TEAD1: variants seen among roughly 807,000 people sequenced by gnomAD.
TEAD1 encodes the protein TEA domain transcription factor 1.
A neutral mutation model predicts 54.9 loss-of-function variants in TEAD1; 9 were observed. That is an observed-to-expected ratio of 0.16 (90% CI 0.10 to 0.29). TEAD1 has a LOEUF of 0.29. Among genes scored for constraint, TEAD1 ranks in the 10% least tolerant of loss-of-function variants. TEAD1 has a pLI of 1.00. For missense variants in TEAD1, 387 were observed against 535.9 expected, an observed-to-expected ratio of 0.72 and a Z score of 2.74; for synonymous variants, 200 against 187.8, an observed-to-expected ratio of 1.07 and a Z score of -0.53.
chr11:12,716,858 A>G (rs1010305505), intron 2 of TEAD1, among the ~76,000 whole-genome samples: 1 of 152,252 alleles, frequency 6.6e-6, no homozygotes, highest in Non-Finnish European at 1.5e-5. Context: ...CTTCTAAGTC[A>G]TCAGCAGAGA....
chr11:12,814,373 T>C (rs1946370210), intron 3 of TEAD1, among the ~76,000 whole-genome samples: 1 of 151,844 alleles, frequency 6.6e-6, no homozygotes, highest in Admixed American at 6.6e-5. Flanking sequence ...GGAACCAGAG[T>C]GTGTGAGGGG....
intron 3 of TEAD1, among the ~76,000 whole-genome samples, chr11:12,767,100 T>C (rs1590129816): frequency 6.6e-6 from 1 of 152,180 alleles, no homozygotes; most frequent in Admixed American, 6.5e-5. Flanking sequence ...CCTGGTTGAC[T>C]GGGAGCTGCC....
chr11:12,846,469 A>G (rs1043956316), intron 3 of TEAD1, among the ~76,000 whole-genome samples: 1 of 151,796 alleles, frequency 6.6e-6, no homozygotes, highest in East Asian at 1.9e-4. Context: ...AGCAACATTC[A>G]GGGCCCGAGC....
chr11:12,787,159 C>T (rs1325768524), intron 3 of TEAD1, among the ~76,000 whole-genome samples: 2 of 152,150 alleles, frequency 1.3e-5, no homozygotes, highest in Non-Finnish European at 2.9e-5. Flanking sequence ...CAAGCCTGGG[C>T]CCAGGTCTCT....
chr11:12,750,254 A>G (rs1458227593), intron 2 of TEAD1, among the ~76,000 whole-genome samples: 1 of 152,180 alleles, frequency 6.6e-6, no homozygotes, highest in African/African-American at 2.4e-5. Context: ...GTCAGCTCAC[A>G]GCCTCTCTTT....
intron 3 of TEAD1, among the ~76,000 whole-genome samples, chr11:12,789,757 T>C (rs1267980886): frequency 1.3e-5 from 2 of 152,212 alleles, no homozygotes; most frequent in Non-Finnish European, 2.9e-5. Flanking sequence ...CCGAGCTCAG[T>C]TGGGTTGTAC....
intron 12 of TEAD1, among the ~76,000 whole-genome samples, chr11:12,932,910 C>G (rs912479184): frequency 1.3e-5 from 2 of 152,140 alleles, no homozygotes; most frequent in Admixed American, 6.5e-5. Flanking sequence ...TTTTACTGTA[C>G]TTTATGTGTA....
At chr11:12,796,833 C>T (rs940185109) in intron 3 of TEAD1, among the ~76,000 whole-genome samples, 5 of 150,400 alleles carry the variant, frequency 3.3e-5, no homozygotes, top group African/African-American at 4.9e-5. Flanking sequence ...CAGATGTGGC[C>T]GGGTGCGGTA....
chr11:12,769,147 C>T (rs1590131852), intron 3 of TEAD1, among the ~76,000 whole-genome samples: 1 of 152,142 alleles, frequency 6.6e-6, no homozygotes, highest in East Asian at 1.9e-4. Context: ...CTTAGGTCAG[C>T]TCCAAGGAAG....
At chr11:12,906,142 T>A (rs1948514223) in intron 10 of TEAD1, among the ~76,000 whole-genome samples, 1 of 152,066 alleles carries the variant, frequency 6.6e-6, no homozygotes, top group African/African-American at 2.4e-5. Flanking sequence ...GCCTTCATGG[T>A]GTGGGACCCC....
At chr11:12,827,648 C>T (rs1375136365) in intron 3 of TEAD1, among the ~76,000 whole-genome samples, 5 of 152,288 alleles carry the variant, frequency 3.3e-5, no homozygotes, top group East Asian at 1.9e-4. Flanking sequence ...GACTGTCAAA[C>T]GCATCAGACA....
chr11:12,852,671 C>T (rs1398024461), intron 3 of TEAD1, among the ~76,000 whole-genome samples: 1 of 152,112 alleles, frequency 6.6e-6, no homozygotes, highest in Non-Finnish European at 1.5e-5. Flanking sequence ...TGGTCTCAAA[C>T]TCCTGACCTC....
chr11:12,710,527 A>G (rs1262180203), intron 2 of TEAD1, among the ~76,000 whole-genome samples: 3 of 152,178 alleles, frequency 2.0e-5, no homozygotes, highest in Non-Finnish European at 4.4e-5. Flanking sequence ...AGAGGGCGGT[A>G]CAGTACACAC....
chr11:12,723,470 T>A (rs2133868855), intron 2 of TEAD1, among the ~76,000 whole-genome samples: 1 of 152,286 alleles, frequency 6.6e-6, no homozygotes, highest in African/African-American at 2.4e-5. Flanking sequence ...ATCTGTAAAA[T>A]AAATACTTTG....
chr11:12,871,325 C>T (rs1218796020), intron 5 of TEAD1, among the ~76,000 whole-genome samples: 2 of 152,208 alleles, frequency 1.3e-5, no homozygotes, highest in African/African-American at 4.8e-5. Context: ...TAGTGAGAAG[C>T]AGCAGCATGT....
intron 9 of TEAD1, among the ~76,000 whole-genome samples, chr11:12,885,330 G>A (rs985904330): frequency 6.6e-6 from 1 of 151,458 alleles, no homozygotes; most frequent in Non-Finnish European, 1.5e-5. Context: ...CTGCCTCCCG[G>A]GTTCACGCCA....
chr11:12,905,301 A>G (rs573086068), intron 10 of TEAD1, among the ~76,000 whole-genome samples: 4 of 152,334 alleles, frequency 2.6e-5, no homozygotes, highest in African/African-American at 9.6e-5. Context: ...AACAAAGTCT[A>G]GATTGCAGAT....
At chr11:12,814,048 A>G (rs1590176792) in intron 3 of TEAD1, among the ~76,000 whole-genome samples, 2 of 152,102 alleles carry the variant, frequency 1.3e-5, no homozygotes, top group Non-Finnish European at 2.9e-5. Context: ...GACACAAACA[A>G]GCTGTTCTGG....
intron 5 of TEAD1, 24 bp downstream of exon 5, chr11:12,864,924 C>T (rs370547421): frequency 6.2e-7 from 1 of 1,613,632 alleles, no homozygotes; most frequent in African/African-American, 1.3e-5. Flanking sequence ...TGCTTTTTGG[C>T]TTGTGGTTGC....
Sources: gnomAD v4.1 joint callset for allele counts (sites outside exome capture counted in the v4.1 genomes callset) on GRCh38, gnomAD v4.1.1 for gene constraint, MANE v1.5 for transcripts, NCBI Gene and HGNC (gene_info 2026-07-23, HGNC 2026-07-21) for gene names.